DLC1: variants seen among roughly 807,000 people sequenced by gnomAD.
The protein encoded by DLC1 is rho GTPase-activating protein 7.
In DLC1, 54 loss-of-function variants were observed where a neutral mutation model predicts 140.3. The observed-to-expected ratio is 0.38, with a 90% CI of 0.31 to 0.48. The LOEUF is 0.48. Among genes scored for constraint, DLC1 ranks in the 20% least tolerant of loss-of-function variants. The pLI is 0.96. For synonymous variants in DLC1, 986 were observed against 728.1 expected (o/e 1.35, Z -5.70); for missense variants, 2,536 against 1,907.0 (o/e 1.33, Z -6.14).
intron 5 of DLC1, among the ~76,000 whole-genome samples, chr8:13,210,758 T>C (rs143582259): frequency 1.0e-3 from 154 of 152,334 alleles, no homozygotes; most frequent in Non-Finnish European, 1.4e-3. Flanking sequence ...ATACATACTT[T>C]GACATCTTTT....
rs1829339860 is a variant in DLC1, at chr8:13,237,431, TTC to T, written c.1348+67836_1348+67837del. Among the ~76,000 whole-genome samples, 4 of 151,976 alleles carry T rather than the reference TTC, an allele frequency of 2.6e-5. No homozygotes were observed. The South Asian group carries it at 8.3e-4, about 32-fold the overall frequency. On this transcript the variant is annotated intron_variant, in intron 5 of 17. Transcript: ENST00000276297. ...TCAGTTAAATGAGTTCATATATATA[TTC>T]TTTTTTCCAGTTCAGTTTTATTATG...
intron 1 of DLC1, among the ~76,000 whole-genome samples, chr8:13,578,983 C>T (rs1015081835): frequency 6.6e-6 from 1 of 151,730 alleles, no homozygotes; most frequent in Non-Finnish European, 1.5e-5. Flanking sequence ...AGGTTGGTTC[C>T]TCTGGCAACC....
chr8:13,434,232 A>G (rs536698032), intron 2 of DLC1, among the ~76,000 whole-genome samples: 85 of 152,346 alleles, frequency 5.6e-4, no homozygotes, highest in African/African-American at 1.9e-3. Context: ...ATACTTTTAC[A>G]AATGAGGATG....
chr8:13,244,229 A>G (rs1438959724), intron 5 of DLC1, among the ~76,000 whole-genome samples: 1 of 151,784 alleles, frequency 6.6e-6, no homozygotes, highest in Non-Finnish European at 1.5e-5. Context: ...AGGACCCTCC[A>G]TTGCCTAAAA....
intron 15 of DLC1, among the ~76,000 whole-genome samples, chr8:13,089,285 T>C (rs539276459): frequency 2.7e-4 from 8 of 29,834 alleles, no homozygotes; most frequent in African/African-American, 9.6e-4. Flanking sequence ...AATGATGACA[T>C]TTGTTTTTTT....
chr8:13,375,292 G>T (rs1157074440), intron 4 of DLC1, among the ~76,000 whole-genome samples: 2 of 152,150 alleles, frequency 1.3e-5, no homozygotes, highest in Non-Finnish European at 2.9e-5. Context: ...CTCCCAAAGT[G>T]CTGGGATTAC....
Position 13,094,930 on chromosome 8 carries a change from T to C in DLC1, c.3355A>G (p.Lys1119Glu). ...QVGLFRKSGV[K>E]SRIQALRQMN... Reference sequence around the variant, plus strand: ...TGGCGCAGAGCCTGAATCCGGGACTTGACCCCCGATTTTCTGAAGAGCCCA... The same window carrying C: ...TGGCGCAGAGCCTGAATCCGGGACTCGACCCCCGATTTTCTGAAGAGCCCA... Residue 1119 changes from lysine (K) to glutamate (E), a missense_variant, in exon 12 of 18, where the codon AAG becomes GAG. Coordinates refer to ENST00000276297, the MANE Select transcript of DLC1 (RefSeq NM_182643.3). The C allele has an allele frequency of 6.2e-7, 1 of 1,614,238 alleles. No homozygotes were observed. The highest frequency in any genetic ancestry group is 8.5e-7 in the Non-Finnish European group (1 of 1,180,038).
chr8:13,491,723 C>G (rs1314555036), intron 2 of DLC1, among the ~76,000 whole-genome samples: 1 of 152,144 alleles, frequency 6.6e-6, no homozygotes, highest in Non-Finnish European at 1.5e-5. Context: ...CCTTGTCCCT[C>G]TTCTTCCCTC....
chr8:13,139,734 A>G (rs1356121749), intron 5 of DLC1, among the ~76,000 whole-genome samples: 2 of 152,238 alleles, frequency 1.3e-5, no homozygotes, highest in Non-Finnish European at 2.9e-5. Flanking sequence ...CAGCCCCAAC[A>G]TCCATTTGGT....
intron 4 of DLC1, among the ~76,000 whole-genome samples, chr8:13,361,712 C>A (rs918846146): frequency 3.3e-5 from 5 of 152,114 alleles, no homozygotes; most frequent in Admixed American, 3.3e-4. Flanking sequence ...AACTTTTAGA[C>A]AAGTTTTCCC....
rs201527331 is a variant in DLC1, at chr8:13,401,431, G to A, written c.1173+39C>T. The A allele has an allele frequency of 2.3e-3, 3,755 of 1,606,102 alleles. 8 individuals carry two copies. Among genetic ancestry groups the A allele is most frequent in the Non-Finnish European group, 3.0e-3 (3,489 of 1,177,004 alleles). ...GGGACTGTATAAGGTCAAGAGTTACGACTCCTATGGGAAAAGAAGTAGAAA... is the reference window on the plus strand; with the variant it reads ...GGGACTGTATAAGGTCAAGAGTTACAACTCCTATGGGAAAAGAAGTAGAAA... On this transcript the variant is annotated intron_variant, in intron 3 of 17. Transcript: ENST00000276297.
intron 5 of DLC1, among the ~76,000 whole-genome samples, chr8:13,128,689 T>C (rs983055357): frequency 6.6e-6 from 1 of 152,150 alleles, no homozygotes; most frequent in Admixed American, 6.5e-5. Flanking sequence ...AAAAATTAGC[T>C]GGGCATTGTG....
upstream of DLC1, among the ~76,000 whole-genome samples, chr8:13,516,995 A>G (rs1229348578): frequency 6.6e-6 from 1 of 152,186 alleles, no homozygotes; most frequent in African/African-American, 2.4e-5. Context: ...TAAATTGGGA[A>G]GACTTCTTAA....
At chr8:13,430,476 T>G (rs1838813458) in intron 2 of DLC1, among the ~76,000 whole-genome samples, 1 of 152,200 alleles carries the variant, frequency 6.6e-6, no homozygotes. Context: ...TGATTACATA[T>G]TAGAGTCCAA....
intron 5 of DLC1, among the ~76,000 whole-genome samples, chr8:13,206,364 A>AATAC (rs2117088839): frequency 6.6e-6 from 1 of 152,318 alleles, no homozygotes; most frequent in South Asian, 2.1e-4. Flanking sequence ...ATGTCATGTA[A>AATAC]AAGGTTTGGA....
At chr8:13,165,273 G>C (rs577169453) in intron 5 of DLC1, among the ~76,000 whole-genome samples, 75 of 152,262 alleles carry the variant, frequency 4.9e-4, no homozygotes, top group African/African-American at 1.7e-3. Flanking sequence ...GTCTTAATGA[G>C]ATTCTAAGTG....
intron 5 of DLC1, among the ~76,000 whole-genome samples, chr8:13,151,999 T>G (rs1274258777): frequency 3.9e-5 from 6 of 152,236 alleles, no homozygotes; most frequent in Non-Finnish European, 7.3e-5. Flanking sequence ...GGTTGTGTTC[T>G]ATCTATTGCT....
chr8:13,587,105 C>CACACACACACAT (rs879540746), intron 1 of DLC1, among the ~76,000 whole-genome samples: 9,808 of 150,090 alleles, frequency 0.065, 343 homozygotes, highest in East Asian at 0.13. Flanking sequence ...CACACACACA[C>CACACACACACAT]ATTCATGCAT....
intron 4 of DLC1, among the ~76,000 whole-genome samples, chr8:13,322,747 A>C (rs1379864240): frequency 6.6e-6 from 1 of 152,204 alleles, no homozygotes; most frequent in East Asian, 1.9e-4. Flanking sequence ...TCTTTACTGC[A>C]TGGGGATGGC....
Sources: gnomAD v4.1 joint callset for allele counts (sites outside exome capture counted in the v4.1 genomes callset) on GRCh38, gnomAD v4.1.1 for gene constraint, MANE v1.5 for transcripts, NCBI Gene and HGNC (gene_info 2026-07-23, HGNC 2026-07-21) for gene names.